The following MPRIP variants were observed in gnomAD, a reference collection of about 807,000 sequenced individuals.
The protein encoded by MPRIP is myosin phosphatase Rho interacting protein.
Under a neutral mutation model 234.9 loss-of-function variants are expected in MPRIP, and 59 were observed. The observed-to-expected ratio is 0.25, with a 90% CI of 0.20 to 0.31. The LOEUF (loss-of-function observed/expected upper bound fraction) is 0.31, where lower values mean the gene tolerates loss of function less well. Ranked by LOEUF, MPRIP falls within the 10% of genes least tolerant of loss-of-function variation. The probability of loss-of-function intolerance (pLI) is 1.00; values close to 1 mark genes in which losing one functional copy is unlikely to be tolerated. For missense variants in MPRIP, 2,436 were observed against 3,071.0 expected (o/e 0.79, Z 4.89); for synonymous variants, 1,144 against 1,263.9 (o/e 0.91, Z 2.01).
chr17:17,120,142 C>T (rs777209394), intron 3 of MPRIP, among the ~76,000 whole-genome samples: 5 of 152,178 alleles, frequency 3.3e-5, no homozygotes, highest in Admixed American at 1.3e-4. Flanking sequence ...TCACGTGCGA[C>T]TGGTTCTGTA....
chr17:17,143,478 G>A, intron 8 of MPRIP, 78 bp from the exon 9 acceptor site: 1 of 921,178 alleles, frequency 1.1e-6, no homozygotes, highest in Non-Finnish European at 1.6e-6. Context: ...CTCTTGGAGG[G>A]GTGGACAGCA....
At chr17:17,060,644 A>G (rs1399075093) in intron 1 of MPRIP, among the ~76,000 whole-genome samples, 1 of 152,216 alleles carries the variant, frequency 6.6e-6, no homozygotes. Context: ...TCGTGCTCCC[A>G]TAGCTGGGAT....
intron 3 of MPRIP, among the ~76,000 whole-genome samples, chr17:17,111,071 ACT>A (rs1201167807): frequency 2.0e-5 from 3 of 150,836 alleles, no homozygotes; most frequent in Admixed American, 6.6e-5. Flanking sequence ...GTGTAGGAGA[ACT>A]CTTCACACAC....
chr17:17,143,602 C>T lies in MPRIP; in HGVS notation c.1436C>T (p.Ala479Val). The part of the protein sequence containing the change: ...APPAPLPDAS[A>V]SPLSPHRRAK... Reference sequence around the variant, plus strand: ...CCAGCTCCTCTCCCAGACGCCTCGGCTTCCCCCCTGTCTCCACACCGAAGA... The same window carrying T: ...CCAGCTCCTCTCCCAGACGCCTCGGTTTCCCCCCTGTCTCCACACCGAAGA... The change falls in exon 9 of 24, where the codon GCT becomes GTT. Residue 479 changes from alanine to valine, a missense_variant. By Grantham distance (64) the Ala-to-Val change is moderately conservative. Transcript: ENST00000651222. 1 of 1,605,634 alleles carries T rather than the reference C, an allele frequency of 6.2e-7. No homozygotes were observed. Among genetic ancestry groups the T allele is most frequent in the Non-Finnish European group, 8.5e-7 (1 of 1,176,424 alleles).
At chr17:17,124,398 C>CTGTG (rs146168895) in intron 3 of MPRIP, among the ~76,000 whole-genome samples, 1 of 151,940 alleles carries the variant, frequency 6.6e-6, no homozygotes, top group African/African-American at 2.4e-5. Context: ...ACATATGTCT[C>CTGTG]TGTGTGTGTG....
intron 3 of MPRIP, among the ~76,000 whole-genome samples, chr17:17,120,295 C>T (rs1256563543): frequency 1.3e-5 from 2 of 152,164 alleles, no homozygotes; most frequent in African/African-American, 4.8e-5. Flanking sequence ...GAAACAAAGG[C>T]CTGTTTTCCC....
chr17:17,177,198 G>T, intron 21 of MPRIP, 52 bp from the exon 22 acceptor site: 1 of 1,561,412 alleles, frequency 6.4e-7, no homozygotes, highest in South Asian at 1.1e-5. Context: ...CATGTTGTAT[G>T]TGCTCCTCTT....
chr17:17,170,427 G>C (rs900529070), intron 16 of MPRIP, among the ~76,000 whole-genome samples: 1 of 152,172 alleles, frequency 6.6e-6, no homozygotes, highest in Non-Finnish European at 1.5e-5. Context: ...CTAGTTAATA[G>C]TGGCAATAGC....
intron 10 of MPRIP, among the ~76,000 whole-genome samples, chr17:17,147,026 G>A (rs1360956978): frequency 1.3e-5 from 2 of 152,226 alleles, no homozygotes; most frequent in East Asian, 1.9e-4. Context: ...GCACGGCCTG[G>A]CCACCAGCCA....
At chr17:17,110,378 G>A (rs2090146323) in intron 3 of MPRIP, among the ~76,000 whole-genome samples, 1 of 152,090 alleles carries the variant, frequency 6.6e-6, no homozygotes, top group Non-Finnish European at 1.5e-5. Context: ...ACTAAGACAA[G>A]ATATAAAATC....
At chr17:17,133,500 C>A (rs2144438664) in intron 5 of MPRIP, among the ~76,000 whole-genome samples, 1 of 152,318 alleles carries the variant, frequency 6.6e-6, no homozygotes, top group African/African-American at 2.4e-5. Context: ...TGGGGGTAAA[C>A]CTCACACCTT....
rs1281766288 is a variant in MPRIP at position 17,164,749 on chromosome 17, A to G, written c.3158A>G (p.Gln1053Arg). Residue 1053 changes from glutamine (Q) to arginine (R), a missense_variant, in exon 16 of 24, where the codon CAG (glutamine) becomes CGG (arginine). By Grantham distance (43) the Gln-to-Arg change is conservative. Around this residue, in one of 4 missense-constraint regions of MPRIP, gnomAD observed 1,998 missense variants for 2,520.3 expected, o/e 0.79. Transcript: ENST00000651222. The part of the protein sequence containing the change: ...VEDKASAYED[Q>R]LQGQAQQVET... ...GACAAGGCCAGCGCCTATGAGGACC[A>G]GCTGCAGGGTCAGGCACAGCAGGTG... 1 of 1,303,536 alleles carries G rather than the reference A, an allele frequency of 7.7e-7. No homozygotes were observed. The allele number at this position is 1,303,536 out of a possible 1,614,324, so 80.7% of individuals were successfully genotyped here.
At chr17:17,148,765 A>G (rs1418745730) in intron 11 of MPRIP, among the ~76,000 whole-genome samples, 3 of 152,198 alleles carry the variant, frequency 2.0e-5, no homozygotes, top group Non-Finnish European at 4.4e-5. Flanking sequence ...AACTGTGGTC[A>G]TTAATTTTGG....
rs1384799908 is a variant in MPRIP, at chr17:17,192,091, A to G, written c.*7197A>G. 6.6e-6 allele frequency: 1 copy of G among 152,178 alleles called. No individual in the cohort carries two copies. Among genetic ancestry groups the G allele is most frequent in the Non-Finnish European group, 1.5e-5 (1 of 68,040 alleles). 9.4% of individuals were successfully genotyped at this position (152,178 alleles called of 1,614,324 possible). A position where few individuals can be genotyped will look rare whatever the true frequency, so the allele number is the denominator to read the frequency against. Reference sequence around the variant, plus strand: ...ATCAAAGGCAAAACCTACTGTGCCAAGCTGGGGCGCTATATGTGAACGGAG... The same window carrying G: ...ATCAAAGGCAAAACCTACTGTGCCAGGCTGGGGCGCTATATGTGAACGGAG... On this transcript the variant is annotated 3_prime_UTR_variant, in exon 24 of 24. Coordinates refer to ENST00000651222, the MANE Select transcript of MPRIP (RefSeq NM_001364716.4).
At chr17:17,045,241 C>T (rs1440166008) in intron 1 of MPRIP, among the ~76,000 whole-genome samples, 1 of 152,220 alleles carries the variant, frequency 6.6e-6, no homozygotes, top group African/African-American at 2.4e-5. Flanking sequence ...GGTGGGCAGC[C>T]TTGGCCGGCT....
intron 23 of MPRIP, among the ~76,000 whole-genome samples, chr17:17,183,723 C>G (rs1250181727): frequency 6.6e-6 from 1 of 152,228 alleles, no homozygotes; most frequent in African/African-American, 2.4e-5. Context: ...TGCTCAGTCC[C>G]CAGTCTATCA....
chr17:17,051,381 G>A (rs1040267583), intron 1 of MPRIP, among the ~76,000 whole-genome samples: 1 of 152,108 alleles, frequency 6.6e-6, no homozygotes, highest in African/African-American at 2.4e-5. Flanking sequence ...CTAAGAAAAC[G>A]GGCTCTTCTC....
At chr17:17,140,300 C>G (rs1193973126) in intron 7 of MPRIP, among the ~76,000 whole-genome samples, 1 of 152,160 alleles carries the variant, frequency 6.6e-6, no homozygotes, top group African/African-American at 2.4e-5. Flanking sequence ...GTTCTTGTCT[C>G]CTGTCGCCTG....
At chr17:17,043,006 C>G (rs1173501417) in intron 1 of MPRIP, 35 bp downstream of exon 1, 13 of 1,596,870 alleles carry the variant, frequency 8.1e-6, no homozygotes, top group Non-Finnish European at 1.1e-5. Flanking sequence ...CACCTCCGTT[C>G]TGGGAGCCGC....
Sources: allele counts gnomAD v4.1 joint callset (sites outside exome capture counted in the v4.1 genomes callset), GRCh38; gene constraint gnomAD v4.1.1; regional missense constraint gnomAD v4.1.1; transcripts MANE v1.5; gene names NCBI Gene and HGNC (gene_info 2026-07-23, HGNC 2026-07-21).